EGFR: variants seen among roughly 807,000 people sequenced by gnomAD.
The protein encoded by EGFR is epidermal growth factor receptor.
A neutral mutation model predicts 143.0 loss-of-function variants in EGFR; 58 were observed. That is an observed-to-expected ratio of 0.41 (90% confidence interval 0.33 to 0.50). The LOEUF is 0.50. Among genes scored for constraint, EGFR ranks in the 20% least tolerant of loss-of-function variants. The pLI is 0.39. For missense variants in EGFR, 1,307 were observed against 1,579.0 expected (o/e 0.83, Z 2.92); for synonymous variants, 613 against 594.4 (o/e 1.03, Z -0.45).
At chr7:55,126,433 C>T (rs1371457348) in intron 1 of EGFR, among the ~76,000 whole-genome samples, 5 of 152,230 alleles carry the variant, frequency 3.3e-5, no homozygotes, top group African/African-American at 1.2e-4. Flanking sequence ...AGGCATTCTT[C>T]TACTCCCACT....
intron 1 of EGFR, among the ~76,000 whole-genome samples, chr7:55,037,987 T>C (rs1180140162): frequency 6.6e-6 from 1 of 152,196 alleles, no homozygotes; most frequent in Non-Finnish European, 1.5e-5. Context: ...ACTCCCGGTG[T>C]TCCGGCGCCC....
intron 20 of EGFR, among the ~76,000 whole-genome samples, chr7:55,184,408 C>A (rs186092018): frequency 6.6e-6 from 1 of 152,210 alleles, no homozygotes; most frequent in Non-Finnish European, 1.5e-5. Flanking sequence ...TGCTCTCCAG[C>A]GCTCCTTCTC....
chr7:55,027,171 G>A (rs933345641), intron 1 of EGFR, among the ~76,000 whole-genome samples: 3 of 152,114 alleles, frequency 2.0e-5, no homozygotes, highest in African/African-American at 7.2e-5. Flanking sequence ...CTTTTGGAAG[G>A]GCTGAGAAAG....
intron 1 of EGFR, among the ~76,000 whole-genome samples, chr7:55,060,101 A>G (rs1789081243): frequency 6.6e-6 from 1 of 152,196 alleles, no homozygotes; most frequent in African/African-American, 2.4e-5. Context: ...TCACAGGGAC[A>G]CCCTCTGCCC....
intron 23 of EGFR, 50 bp from the exon 24 acceptor site, chr7:55,200,263 TATC>T: frequency 6.5e-7 from 1 of 1,527,082 alleles, no homozygotes; most frequent in Non-Finnish European, 9.1e-7. Context: ...ATGCCATCTT[TATC>T]ATTTCTTCCA....
At chr7:55,043,550 C>T (rs932807242) in intron 1 of EGFR, among the ~76,000 whole-genome samples, 12 of 152,042 alleles carry the variant, frequency 7.9e-5, no homozygotes, top group Non-Finnish European at 1.3e-4. Context: ...TTAGTAGAGA[C>T]GGGGTTTTGC....
At chr7:55,154,223 G>A (rs2128935367) in intron 7 of EGFR, 71 bp downstream of exon 7, 2 of 1,608,400 alleles carry the variant, frequency 1.2e-6, no homozygotes, top group Non-Finnish European at 1.7e-6. Context: ...GCTGAGCCCT[G>A]GAGTATCCCA....
At chr7:55,066,851 A>G (rs563142136) in intron 1 of EGFR, among the ~76,000 whole-genome samples, 2 of 152,344 alleles carry the variant, frequency 1.3e-5, no homozygotes, top group African/African-American at 4.8e-5. Context: ...AAGCTTGACA[A>G]TGATACAGCT....
intron 1 of EGFR, among the ~76,000 whole-genome samples, chr7:55,085,793 A>T (rs1451054092): frequency 1.3e-5 from 2 of 152,202 alleles, no homozygotes; most frequent in Non-Finnish European, 1.5e-5. Flanking sequence ...ACATTAAATC[A>T]GCTCGTTCTC....
At chr7:55,052,061 G>T (rs1788521990) in intron 1 of EGFR, among the ~76,000 whole-genome samples, 1 of 152,200 alleles carries the variant, frequency 6.6e-6, no homozygotes, top group African/African-American at 2.4e-5. Context: ...AAAATCCACA[G>T]GGTGGAGGAT....
intron 1 of EGFR, among the ~76,000 whole-genome samples, chr7:55,112,308 C>G (rs568415478): frequency 6.6e-6 from 1 of 152,332 alleles, no homozygotes; most frequent in East Asian, 1.9e-4. Flanking sequence ...TTTCAAATTC[C>G]AGAAGTTCAT....
chr7:55,193,397 C>T (rs1012260834), intron 22 of EGFR, among the ~76,000 whole-genome samples: 4 of 152,154 alleles, frequency 2.6e-5, no homozygotes, highest in African/African-American at 9.7e-5. Flanking sequence ...GTTTCCTCTT[C>T]TGAATCCCAG....
intron 1 of EGFR, among the ~76,000 whole-genome samples, chr7:55,049,299 A>G (rs929413944): frequency 3.3e-5 from 5 of 152,194 alleles, no homozygotes; most frequent in African/African-American, 1.2e-4. Context: ...GAGAATTTGA[A>G]TATAACTTGA....
chr7:55,100,081 A>G (rs182274005), intron 1 of EGFR, among the ~76,000 whole-genome samples: 99 of 152,294 alleles, frequency 6.5e-4, no homozygotes, highest in Non-Finnish European at 1.2e-3. Context: ...TCTGAATGGA[A>G]AGCAGCATCT....
At chr7:55,042,862 C>T (rs557223426) in intron 1 of EGFR, among the ~76,000 whole-genome samples, 1 of 152,222 alleles carries the variant, frequency 6.6e-6, no homozygotes, top group East Asian at 1.9e-4. Context: ...ATTAGCATTG[C>T]AAATGACTTC....
At chr7:55,088,054 AACACACAC>A (rs3063038) in intron 1 of EGFR, among the ~76,000 whole-genome samples, 16 of 150,750 alleles carry the variant, frequency 1.1e-4, no homozygotes, top group Admixed American at 8.6e-4. Flanking sequence ...TCAGGGTATA[AACACACAC>A]ACACACACAC....
intron 17 of EGFR, 151 bp downstream of exon 17, chr7:55,173,275 G>A (rs1319115184): frequency 8.4e-7 from 1 of 1,197,076 alleles, no homozygotes; most frequent in African/African-American, 1.5e-5. Context: ...GTTATACCCA[G>A]TTGGTGACAT....
At chr7:55,036,108 G>A (rs929713797) in intron 1 of EGFR, among the ~76,000 whole-genome samples, 6 of 152,052 alleles carry the variant, frequency 3.9e-5, no homozygotes, top group Non-Finnish European at 8.8e-5. Flanking sequence ...GGCATGAGGA[G>A]AAATGGGATG....
At chr7:55,114,063 G>A (rs1403583130) in intron 1 of EGFR, among the ~76,000 whole-genome samples, 1 of 152,206 alleles carries the variant, frequency 6.6e-6, no homozygotes, top group African/African-American at 2.4e-5. Flanking sequence ...ACATTTCACA[G>A]CCTCAATGTA....
Sources: gnomAD v4.1 joint callset for allele counts (sites outside exome capture counted in the v4.1 genomes callset) on GRCh38, gnomAD v4.1.1 for gene constraint, MANE v1.5 for transcripts, NCBI Gene and HGNC (gene_info 2026-07-23, HGNC 2026-07-21) for gene names.